The following SYT14 variants were observed in gnomAD, a reference collection of about 807,000 sequenced individuals.
SYT14 encodes synaptotagmin-14.
A neutral mutation model predicts 74.2 loss-of-function variants in SYT14; 32 were observed. That is an observed-to-expected ratio of 0.43 (90% CI 0.33 to 0.58). The LOEUF is 0.58. Among genes scored for constraint, SYT14 ranks in the 20% least tolerant of loss-of-function variants. The pLI is 0.05. For missense variants in SYT14, 791 were observed against 981.8 expected (o/e 0.81, Z 2.60); for synonymous variants, 298 against 337.7 (o/e 0.88, Z 1.29).
chr1:210,066,223 A>G (rs886186185), intron 5 of SYT14, among the ~76,000 whole-genome samples: 13 of 152,044 alleles, frequency 8.6e-5, no homozygotes, highest in African/African-American at 2.9e-4. Context: ...ATGATTTATA[A>G]TCCTTTGGGT....
chr1:210,151,527 T>TA (rs11379478), intron 7 of SYT14, among the ~76,000 whole-genome samples: 4 of 144,844 alleles, frequency 2.8e-5, no homozygotes, highest in Non-Finnish European at 6.1e-5. Context: ...TTTTTTTTTT[T>TA]AACTACAGTG....
At chr1:209,941,712 C>T (rs749490958) in intron 1 of SYT14, among the ~76,000 whole-genome samples, 5 of 152,114 alleles carry the variant, frequency 3.3e-5, no homozygotes, top group Admixed American at 6.6e-5. Context: ...TTCTCCTGTC[C>T]GACTGTAAAT....
chr1:210,004,952 A>T (rs762521666), intron 2 of SYT14, among the ~76,000 whole-genome samples: 1 of 152,050 alleles, frequency 6.6e-6, no homozygotes, highest in Non-Finnish European at 1.5e-5. Flanking sequence ...AGTGAGTAGA[A>T]CATTCCAGTT....
intron 5 of SYT14, among the ~76,000 whole-genome samples, chr1:210,061,128 T>G (rs1207021211): frequency 6.6e-6 from 1 of 151,962 alleles, no homozygotes; most frequent in Non-Finnish European, 1.5e-5. Flanking sequence ...CATTGAATCC[T>G]TTTTCTCTAT....
chr1:210,138,914 A>T (rs1407598276), intron 7 of SYT14, among the ~76,000 whole-genome samples: 1 of 152,190 alleles, frequency 6.6e-6, no homozygotes, highest in Non-Finnish European at 1.5e-5. Flanking sequence ...CACTGGATGC[A>T]AAGTTAATAT....
chr1:210,034,765 A>G (rs549199398), intron 5 of SYT14, among the ~76,000 whole-genome samples: 1 of 151,948 alleles, frequency 6.6e-6, no homozygotes, highest in African/African-American at 2.4e-5. Flanking sequence ...ACTTAAGATA[A>G]TGGCCTCCAG....
At chr1:210,118,985 C>CTTAATTCT (rs1411173866) in intron 7 of SYT14, among the ~76,000 whole-genome samples, 6 of 151,976 alleles carry the variant, frequency 3.9e-5, no homozygotes, top group African/African-American at 7.2e-5. Flanking sequence ...AACCAAAATC[C>CTTAATTCT]TTAATTCTCA....
chr1:210,149,556 T>G (rs1572383087), intron 7 of SYT14, among the ~76,000 whole-genome samples: 1 of 152,172 alleles, frequency 6.6e-6, no homozygotes, highest in African/African-American at 2.4e-5. Flanking sequence ...TATTTTGTTA[T>G]TATGGTTATT....
exon 10 of SYT14, chr1:210,167,028 T>C (rs1176264552): frequency 2.6e-5 from 4 of 152,220 alleles, no homozygotes; most frequent in Admixed American, 1.3e-4. Flanking sequence ...ATAATAAATA[T>C]GTTGATTTTA....
intron 2 of SYT14, among the ~76,000 whole-genome samples, chr1:209,954,682 A>G (rs1367246572): frequency 6.6e-6 from 1 of 151,716 alleles, no homozygotes; most frequent in East Asian, 1.9e-4. Context: ...CATCTCTGAC[A>G]TCACAACCTC....
intron 7 of SYT14, among the ~76,000 whole-genome samples, chr1:210,107,045 G>T (rs1172295700): frequency 6.6e-6 from 1 of 152,186 alleles, no homozygotes; most frequent in Non-Finnish European, 1.5e-5. Context: ...GGGGCTACGG[G>T]CCCCATGCCA....
At chr1:210,161,108 T>A in exon 10 of SYT14, 1 of 1,534,864 alleles carries the variant, frequency 6.5e-7, no homozygotes, top group Non-Finnish European at 9.0e-7. Context: ...TTACTGTTTC[T>A]ACCAAGTCCC....
chr1:210,074,694 C>T (rs1209307080), intron 5 of SYT14, among the ~76,000 whole-genome samples: 1 of 152,086 alleles, frequency 6.6e-6, no homozygotes, highest in Non-Finnish European at 1.5e-5. Flanking sequence ...GAAAAGTTCC[C>T]TTGTCCCCCT....
At position 209,946,090 on chromosome 1, in the gene SYT14, G is replaced by A. The variant is rs972688583; in HGVS notation, c.-533-6619G>A. ...CTACGAGCCATGCCAATATAAGATG[G>A]CAAACTTAGTTGATAAATGTTGTGT... is the stretch of plus-strand genomic sequence containing the variant. On this transcript the variant is annotated intron_variant, in intron 1 of 9. Transcript: ENST00000637265. 5.3e-4 allele frequency among the ~76,000 whole-genome samples: 80 copies of A among 152,172 alleles called. 1 individual carries two copies. The highest frequency in any genetic ancestry group is 2.9e-5 in the Non-Finnish European group (2 of 68,028).
intron 5 of SYT14, among the ~76,000 whole-genome samples, chr1:210,082,866 A>G (rs572356615): frequency 6.6e-6 from 1 of 152,370 alleles, no homozygotes; most frequent in South Asian, 2.1e-4. Context: ...GGGTCAAGAA[A>G]TGAGAGGCAG....
intron 2 of SYT14, among the ~76,000 whole-genome samples, chr1:210,013,216 A>G (rs2080119662): frequency 6.6e-6 from 1 of 151,574 alleles, no homozygotes; most frequent in Admixed American, 6.6e-5. Context: ...GATTACAGGC[A>G]TGTGCCACCA....
intron 2 of SYT14, among the ~76,000 whole-genome samples, chr1:210,012,058 G>A (rs554858937): frequency 3.9e-5 from 6 of 152,200 alleles, no homozygotes; most frequent in South Asian, 2.1e-4. Context: ...AAATCTAGTA[G>A]CTTATCATAA....
At chr1:209,960,301 A>G (rs2079057869) in intron 2 of SYT14, among the ~76,000 whole-genome samples, 1 of 152,186 alleles carries the variant, frequency 6.6e-6, no homozygotes, top group Non-Finnish European at 1.5e-5. Context: ...GAAATTGTAG[A>G]AAAAAGTCTC....
chr1:210,089,944 G>A (rs1231312811), intron 5 of SYT14, among the ~76,000 whole-genome samples: 1 of 152,218 alleles, frequency 6.6e-6, no homozygotes, highest in African/African-American at 2.4e-5. Context: ...ACCTCTAGCG[G>A]TTTCCCATTG....
Sources: gnomAD v4.1 joint callset for allele counts (sites outside exome capture counted in the v4.1 genomes callset) on GRCh38, gnomAD v4.1.1 for gene constraint, MANE v1.5 for transcripts, NCBI Gene and HGNC (gene_info 2026-07-23, HGNC 2026-07-21) for gene names.